The following HLF variants were observed in gnomAD, a reference collection of about 807,000 sequenced individuals.
HLF encodes the protein hepatic leukemia factor.
Under a neutral mutation model 22.6 loss-of-function variants are expected in HLF, and 3 were observed. The observed-to-expected ratio is 0.13, with a 90% confidence interval of 0.06 to 0.34. The LOEUF (loss-of-function observed/expected upper bound fraction) is 0.34. Ranked by LOEUF, HLF falls within the 10% of genes least tolerant of loss-of-function variation. The pLI is 1.00. For synonymous variants in HLF, 151 were observed against 151.8 expected (o/e 0.99, Z 0.04); for missense variants, 299 against 389.2 (o/e 0.77, Z 1.95).
chr17:55,300,850 C>T (rs2081150377), intron 2 of HLF, among the ~76,000 whole-genome samples: 1 of 152,226 alleles, frequency 6.6e-6, no homozygotes, highest in Admixed American at 6.5e-5. Context: ...GCTCTAATTG[C>T]ATCGATAGTT....
At chr17:55,295,222 T>A (rs1267400848) in intron 2 of HLF, among the ~76,000 whole-genome samples, 2 of 152,084 alleles carry the variant, frequency 1.3e-5, no homozygotes, top group Non-Finnish European at 2.9e-5. Flanking sequence ...GATCCTTGAG[T>A]TGTGTCTTGA....
At chr17:55,266,160 G>A (rs2080785933) in intron 1 of HLF, 3 of 152,364 alleles carry the variant, frequency 2.0e-5, no homozygotes, top group Admixed American at 1.3e-4. Flanking sequence ...GCGGGGTGGG[G>A]GCTGGGGCCG....
intron 2 of HLF, among the ~76,000 whole-genome samples, chr17:55,286,061 A>T (rs2081001480): frequency 6.6e-6 from 1 of 152,148 alleles, no homozygotes; most frequent in Admixed American, 6.5e-5. Context: ...AATAACATCA[A>T]AACCAAAGTC....
intron 2 of HLF, among the ~76,000 whole-genome samples, chr17:55,301,655 A>G (rs968445602): frequency 6.6e-6 from 1 of 152,238 alleles, no homozygotes; most frequent in Non-Finnish European, 1.5e-5. Flanking sequence ...AGAGCATGAG[A>G]TAGGAACAAT....
chr17:55,266,715 A>G, intron 1 of HLF: 1 of 408,404 alleles, frequency 2.4e-6, no homozygotes, highest in Non-Finnish European at 3.3e-6. Flanking sequence ...GTTAGAATGG[A>G]TGGCAGTGGA....
chr17:55,269,809 C>T (rs1050827674), intron 2 of HLF, among the ~76,000 whole-genome samples: 11 of 152,160 alleles, frequency 7.2e-5, no homozygotes, highest in African/African-American at 2.7e-4. Flanking sequence ...CTGTATATAA[C>T]CCTTCCTCTG....
intron 2 of HLF, among the ~76,000 whole-genome samples, chr17:55,295,584 A>AGGCGGTGTAATGGATGGGATTT (rs2145339173): frequency 6.6e-6 from 1 of 152,316 alleles, no homozygotes; most frequent in East Asian, 1.9e-4. Context: ...GGAAGGTTAG[A>AGGCGGTGTAATGGATGGGATTT]GGCGGTGTAA....
chr17:55,304,486 G>A (rs994217263), intron 2 of HLF, among the ~76,000 whole-genome samples: 1 of 152,218 alleles, frequency 6.6e-6, no homozygotes, highest in Admixed American at 6.5e-5. Flanking sequence ...GTTCAAGGGG[G>A]CAGATTTTGC....
At chr17:55,288,599 C>A (rs1277168519) in intron 2 of HLF, among the ~76,000 whole-genome samples, 2 of 151,770 alleles carry the variant, frequency 1.3e-5, no homozygotes, top group Non-Finnish European at 2.9e-5. Flanking sequence ...CCCATCTCTA[C>A]CAAAAACAGA....
At position 55,321,974 on chromosome 17, in the gene HLF, A is replaced by G. The variant is rs987369507; in HGVS notation, c.*1095A>G. On this transcript the variant is annotated 3_prime_UTR_variant, in exon 4 of 4. Coordinates refer to ENST00000226067, the MANE Select transcript of HLF (RefSeq NM_002126.5). ...TTCAGTTTTCCCACTTTTTGGTAAT[A>G]TATATATTTTTGTGAATTATACTTT... is the stretch of plus-strand genomic sequence containing the variant. 2.2e-5 allele frequency: 5 copies of G among 224,636 alleles called. No homozygotes were observed. The Admixed American group carries it at 2.9e-4, about 13-fold the overall frequency. The allele number at this position is 224,636 out of a possible 1,614,324, so 13.9% of individuals were successfully genotyped here.
intron 2 of HLF, among the ~76,000 whole-genome samples, chr17:55,285,276 C>A (rs755076114): frequency 3.3e-5 from 5 of 152,170 alleles, no homozygotes; most frequent in Admixed American, 6.5e-5. Context: ...TACCTTGGAT[C>A]CCAGGTATAT....
At chr17:55,280,210 AC>A (rs2080941169) in intron 2 of HLF, among the ~76,000 whole-genome samples, 1 of 152,242 alleles carries the variant, frequency 6.6e-6, no homozygotes, top group Non-Finnish European at 1.5e-5. Flanking sequence ...ATCTTGTGTT[AC>A]AGCAATGCTA....
chr17:55,312,378 A>G (rs1264434543), intron 2 of HLF, among the ~76,000 whole-genome samples: 2 of 152,244 alleles, frequency 1.3e-5, no homozygotes, highest in African/African-American at 4.8e-5. Flanking sequence ...TTAAAAATAT[A>G]AAATGTACAT....
At chr17:55,304,157 C>T (rs760029073) in intron 2 of HLF, among the ~76,000 whole-genome samples, 17 of 152,132 alleles carry the variant, frequency 1.1e-4, no homozygotes, top group Non-Finnish European at 1.9e-4. Flanking sequence ...ACTCTGGGTT[C>T]ATTTCTGGTC....
intron 2 of HLF, among the ~76,000 whole-genome samples, chr17:55,297,075 C>T (rs2081117493): frequency 6.6e-6 from 1 of 152,134 alleles, no homozygotes; most frequent in Non-Finnish European, 1.5e-5. Context: ...TGCAAGATCT[C>T]CTTTAATGTG....
chr17:55,274,438 G>C (rs1015163248), intron 2 of HLF, among the ~76,000 whole-genome samples: 3 of 152,198 alleles, frequency 2.0e-5, no homozygotes, highest in Admixed American at 2.0e-4. Flanking sequence ...CCCAGCAAAT[G>C]TCTTGTCCTA....
At chr17:55,265,922 C>G in intron 1 of HLF, 1 of 1,008,970 alleles carries the variant, frequency 9.9e-7, no homozygotes, top group Non-Finnish European at 1.2e-6. Flanking sequence ...CACACCCGCA[C>G]GCAGAGCGAG....
rs909643161 is a variant in HLF at position 55,289,208 on chromosome 17, T to C, written c.451+21122T>C. On this transcript the variant is annotated intron_variant, in intron 2 of 3. Coordinates refer to ENST00000226067, the MANE Select transcript of HLF (RefSeq NM_002126.5). Reference sequence around the variant, plus strand: ...AGTGATAAGGGGCACTAAAACAGACTTGGCCTTGCTAAAGGCTTCCAAGCA... The same window carrying C: ...AGTGATAAGGGGCACTAAAACAGACCTGGCCTTGCTAAAGGCTTCCAAGCA... Among the ~76,000 whole-genome samples, 10 of 152,318 alleles carry C rather than the reference T, an allele frequency of 6.6e-5. No individual in the cohort carries two copies. In the East Asian group the frequency reaches 1.9e-3, roughly 29 times the overall value.
chr17:55,287,008 C>G (rs1344490941), intron 2 of HLF, among the ~76,000 whole-genome samples: 5 of 152,154 alleles, frequency 3.3e-5, no homozygotes, highest in Admixed American at 3.3e-4. Context: ...TCTCAGAAAC[C>G]TGCTGGTAAT....
Sources: allele counts gnomAD v4.1 joint callset (sites outside exome capture counted in the v4.1 genomes callset), GRCh38; gene constraint gnomAD v4.1.1; transcripts MANE v1.5; gene names NCBI Gene and HGNC (gene_info 2026-07-23, HGNC 2026-07-21).